Variants in TEP1 observed in about 807,000 individuals in gnomAD.
The protein encoded by TEP1 is telomerase protein component 1.
A neutral mutation model predicts 306.3 loss-of-function variants in TEP1; 241 were observed. That is an observed-to-expected ratio of 0.79 (90% CI 0.71 to 0.88). TEP1 has a LOEUF of 0.88. Among genes scored for constraint, TEP1 ranks in the 40% least tolerant of loss-of-function variants. The pLI is 0.00. For synonymous variants in TEP1, 1,289 were observed against 1,305.5 expected (o/e 0.99, Z 0.27); for missense variants, 3,051 against 3,276.1 (o/e 0.93, Z 1.68).
chr14:20,378,332 C>T lies in TEP1; in HGVS notation c.5508+48G>A, dbSNP rs368509967. On this transcript the variant is annotated intron_variant, in intron 38 of 54. Coordinates refer to ENST00000262715, the MANE Select transcript of TEP1 (RefSeq NM_007110.5). ...GCTGTCTGTCGTCTGCCACCCTCCA[C>T]TCCTGTCCTCCTGTGCTTCCCCCAA... 17 of 1,613,014 alleles carry T rather than the reference C, an allele frequency of 1.1e-5. No homozygotes were observed. The African/African-American group carries it at 2.1e-4, about 20-fold the overall frequency.
At chr14:20,378,725 C>CACCTGCAG in intron 37 of TEP1, 29 bp downstream of exon 37, 2 of 1,610,458 alleles carry the variant, frequency 1.2e-6, no homozygotes, top group East Asian at 4.5e-5. Context: ...CTCAGGGCCA[C>CACCTGCAG]TCTGACCACT....
rs780787694 is a variant in TEP1, at chr14:20,390,719, C to T, written c.2296G>A (p.Gly766Arg). Residue 766 changes from glycine to arginine, a missense_variant, in exon 15 of 55, where the codon GGG becomes AGG. Physicochemically the swap from Gly to Arg is moderately radical, Grantham distance 125 (BLOSUM62 -2). Coordinates refer to ENST00000262715, the MANE Select transcript of TEP1 (RefSeq NM_007110.5). The part of the protein sequence containing the change: ...ENDGWSLNTF[G>R]KYLLSLAGQR... ...CCAGCCAGAGACAGCAGGTATTTCCCAAAAGTATTCAGGGACCATCCATCA... is the reference window on the plus strand; with the variant it reads ...CCAGCCAGAGACAGCAGGTATTTCCTAAAAGTATTCAGGGACCATCCATCA... The T allele has an allele frequency of 1.2e-6, 2 of 1,614,112 alleles. No homozygotes were observed. The highest frequency in any genetic ancestry group is 1.7e-6 in the Non-Finnish European group (2 of 1,180,032).
chr14:20,395,838 T>C (rs929914535), intron 11 of TEP1, 21 bp downstream of exon 11: 5 of 1,606,540 alleles, frequency 3.1e-6, no homozygotes, highest in African/African-American at 1.3e-5. Context: ...CAAAGAGGAG[T>C]TGGAAGAAAG....
rs368724046 is a variant in TEP1, at chr14:20,383,653, G to A, written c.3711-9C>T. 3 of 1,612,312 alleles carry A rather than the reference G, an allele frequency of 1.9e-6. No individual in the cohort carries two copies. Among genetic ancestry groups the A allele is most frequent in the African/African-American group, 2.7e-5 (2 of 74,760 alleles). On this transcript the variant is annotated splice_polypyrimidine_tract_variant and intron_variant, in intron 25 of 54. Transcript: ENST00000262715. ...GCTCCCACACCAGGCTTCTGTACAT[G>A]GAGAGGAAGTCAGGGTCAGTGGGAG...
intron 42 of TEP1, 23 bp from the exon 43 acceptor site, chr14:20,375,891 G>T: frequency 6.3e-7 from 1 of 1,580,466 alleles, no homozygotes. Flanking sequence ...CAAGGAGAGG[G>T]AGCAATCAGG....
intron 53 of TEP1, 121 bp from the exon 54 acceptor site, chr14:20,369,023 T>C (rs1353855298): frequency 1.3e-6 from 1 of 749,478 alleles, no homozygotes; most frequent in East Asian, 2.7e-5. Flanking sequence ...TTTTTTTTTT[T>C]TGAGACAAGA....
At chr14:20,380,894 T>C (rs1439261452) in intron 33 of TEP1, 37 bp downstream of exon 33, 2 of 1,563,258 alleles carry the variant, frequency 1.3e-6, no homozygotes, top group South Asian at 2.2e-5. Context: ...AGGAGTCCCA[T>C]ATCTCAGAGA....
At position 20,401,565 on chromosome 14, in the gene TEP1, T is replaced by C. The variant is rs1878756461; in HGVS notation, c.1283A>G (p.Asp428Gly). 6.2e-7 allele frequency: 1 copy of C among 1,614,070 alleles called. No individual in the cohort carries two copies. The highest frequency in any genetic ancestry group is 8.5e-7 in the Non-Finnish European group (1 of 1,180,042). The part of the protein sequence containing the change: ...EEQRKFEKAG[D>G]TVSEKKNPPR... The stretch of plus-strand genomic sequence containing the variant: ...AGGATTCTTTTTCTCTGACACTGTA[T>C]CACCGGCCTTCTCAAACTGTGGAAA... Residue 428 changes from aspartate to glycine, a missense_variant, in exon 8 of 55, where the codon GAT becomes GGT. By Grantham distance (94) the Asp-to-Gly change is moderately conservative. Coordinates refer to ENST00000262715, the MANE Select transcript of TEP1 (RefSeq NM_007110.5).
chr14:20,383,231 C>A lies in TEP1; in HGVS notation c.3990G>T (p.Val1330=). 1 of 1,614,030 alleles carries A rather than the reference C, an allele frequency of 6.2e-7. No homozygotes were observed. The highest frequency in any genetic ancestry group is 8.5e-7 in the Non-Finnish European group (1 of 1,179,982). ...PLEASARARL[V]REELALYGKR... ...TCCCGTACAGGGCCAGCTCCTCTCT[C>A]ACCAGCCGGGCCCGAGCAGAGGCCT... is the stretch of plus-strand genomic sequence containing the variant. Residue 1330 remains valine, a synonymous_variant, in exon 27 of 55, where the codon GTG becomes GTT. Coordinates refer to ENST00000262715, the MANE Select transcript of TEP1 (RefSeq NM_007110.5).
chr14:20,390,673 A>G lies in TEP1; in HGVS notation c.2334+8T>C, dbSNP rs1383102001. The G allele has an allele frequency of 6.2e-7, 1 of 1,613,808 alleles. No homozygotes were observed. Among genetic ancestry groups the G allele is most frequent in the East Asian group, 2.2e-5 (1 of 44,886 alleles). On this transcript the variant is annotated splice_region_variant and intron_variant, in intron 15 of 54. Transcript: ENST00000262715. ...GAGGGAGAGGGTTTCTCAGGGATTA[A>G]TACTCACAGGAACCCTTTGGCCAGC...
intron 9 of TEP1, among the ~76,000 whole-genome samples, chr14:20,399,232 T>C (rs1324099097): frequency 6.6e-6 from 1 of 152,168 alleles, no homozygotes; most frequent in East Asian, 1.9e-4. Flanking sequence ...ATGGAACAAT[T>C]AGGTTGTATA....
rs762169194 is a variant in TEP1, at chr14:20,383,730, G to A, written c.3710+13C>T. 3 of 1,610,104 alleles carry A rather than the reference G, an allele frequency of 1.9e-6. No homozygotes were observed. Among genetic ancestry groups the A allele is most frequent in the Non-Finnish European group, 1.7e-6 (2 of 1,178,330 alleles). On this transcript the variant is annotated intron_variant, in intron 25 of 54. Transcript: ENST00000262715. ...GGGCATCAACAAGGCTGGGCTCATT[G>A]GGGGATACCCACCGGTAGGTGCTGG...
rs1166690812 is a variant in TEP1 at position 20,377,579 on chromosome 14, C to A, written c.5875+21G>T. ...CGCTCTTTCTAAAGGCTCAAAAACC[C>A]ACCCATTCCCATTTCAGTACCTGAA... On this transcript the variant is annotated intron_variant, in intron 40 of 54. Transcript: ENST00000262715. 3 of 1,613,958 alleles carry A rather than the reference C, an allele frequency of 1.9e-6. No homozygotes were observed. The African/African-American group carries it at 4.0e-5, about 22-fold the overall frequency.
chr14:20,386,679 A>G, intron 18 of TEP1, 56 bp from the exon 19 acceptor site: 1 of 1,496,540 alleles, frequency 6.7e-7, no homozygotes, highest in Non-Finnish European at 8.9e-7. Context: ...CCCCCCATCC[A>G]TAGACACTGC....
Position 20,395,539 on chromosome 14 carries a change from G to C in TEP1, c.1839C>G (p.His613Gln). The stretch of plus-strand genomic sequence containing the variant: ...CCATCCGAAGCTGCTGACGGCTTAG[G>C]TGGCAAAGAAACCTCCGCCTGGGAC... ...KNRPRRRFLCHLSRQQLRMAM... is the reference protein window; with the variant it reads ...KNRPRRRFLCQLSRQQLRMAM... Residue 613 changes from histidine to glutamine, a missense_variant, in exon 12 of 55, where the codon CAC (histidine) becomes CAG (glutamine). Physicochemically the swap from His to Gln is conservative, Grantham distance 24. Transcript: ENST00000262715. 6.2e-7 allele frequency: 1 copy of C among 1,613,910 alleles called. No homozygotes were observed.
intron 1 of TEP1, among the ~76,000 whole-genome samples, chr14:20,409,747 G>A (rs1214572187): frequency 5.3e-5 from 8 of 152,188 alleles, no homozygotes; most frequent in South Asian, 4.2e-4. Context: ...CTGGCCGGGC[G>A]CGGTGGCTCA....
chr14:20,382,530 A>G, intron 28 of TEP1, 93 bp downstream of exon 28: 1 of 1,556,076 alleles, frequency 6.4e-7, no homozygotes, highest in South Asian at 1.1e-5. Context: ...GGTGATCACA[A>G]GACAGCAAAG....
At chr14:20,388,158 G>C in intron 17 of TEP1, 95 bp from the exon 18 acceptor site, 4 of 1,395,420 alleles carry the variant, frequency 2.9e-6, no homozygotes, top group South Asian at 1.3e-5. Flanking sequence ...ATATGTCCAG[G>C]TTTGGTGACC....
At chr14:20,404,319 T>G (rs927951991) in intron 5 of TEP1, among the ~76,000 whole-genome samples, 4 of 143,724 alleles carry the variant, frequency 2.8e-5, no homozygotes, top group African/African-American at 1.1e-4. Flanking sequence ...CACGCCATTG[T>G]ACTCCAGCCT....
Sources: gnomAD v4.1 joint callset for allele counts (sites outside exome capture counted in the v4.1 genomes callset) on GRCh38, gnomAD v4.1.1 for gene constraint, MANE v1.5 for transcripts, NCBI Gene and HGNC (gene_info 2026-07-23, HGNC 2026-07-21) for gene names.